Variants in LRRIQ1 observed in about 807,000 individuals in gnomAD.
LRRIQ1 encodes leucine rich repeats and IQ motif containing 1, also known as leucine-rich repeat- and IQ domain-containing protein 1.
In LRRIQ1, 210 loss-of-function variants were observed where a neutral mutation model predicts 211.9. The ratio of observed to expected loss-of-function variants is 0.99; its 90% CI spans 0.89 to 1.11. LRRIQ1 has a LOEUF of 1.11. Ranked by LOEUF, LRRIQ1 falls within the 50% of genes most tolerant of loss-of-function variation. The pLI is 0.00. For missense variants in LRRIQ1, 2,136 were observed against 1,939.5 expected, an observed-to-expected ratio of 1.10 and a Z score of -1.90; for synonymous variants, 699 against 650.1, an observed-to-expected ratio of 1.08 and a Z score of -1.14.
At chr12:85,099,527 T>C (rs895318111) in intron 13 of LRRIQ1, among the ~76,000 whole-genome samples, 2 of 151,844 alleles carry the variant, frequency 1.3e-5, no homozygotes, top group Non-Finnish European at 3.0e-5. Flanking sequence ...GAAGATCTAT[T>C]TGAAACCACC....
At chr12:85,162,928 A>G in intron 24 of LRRIQ1, 1 of 368,794 alleles carries the variant, frequency 2.7e-6, no homozygotes, top group Non-Finnish European at 5.2e-6. Context: ...TTTATATGGA[A>G]GTTTTTTTTA....
intron 24 of LRRIQ1, among the ~76,000 whole-genome samples, chr12:85,225,011 G>A (rs1322202151): frequency 2.0e-5 from 3 of 151,870 alleles, no homozygotes; most frequent in Admixed American, 6.6e-5. Context: ...TGAAAAATAG[G>A]ATATGAAGAA....
At chr12:85,176,825 G>C (rs1354278994) in intron 24 of LRRIQ1, among the ~76,000 whole-genome samples, 1 of 151,982 alleles carries the variant, frequency 6.6e-6, no homozygotes, top group African/African-American at 2.4e-5. Context: ...ATAACATTAT[G>C]CTTTGGGTTT....
intron 5 of LRRIQ1, 83 bp from the exon 6 acceptor site, chr12:85,047,163 TA>T: frequency 1.6e-6 from 1 of 629,798 alleles, no homozygotes. Context: ...AAAAAAAAAT[TA>T]AAAAAATTAC....
At chr12:85,141,590 T>TC (rs1203093146) in intron 19 of LRRIQ1, among the ~76,000 whole-genome samples, 1 of 150,734 alleles carries the variant, frequency 6.6e-6, no homozygotes, top group East Asian at 1.9e-4. Context: ...TTTTTTTTTT[T>TC]TTTTGGCTAC....
rs1231378574 is a variant in LRRIQ1, at chr12:85,124,204, A to G, written c.3692A>G (p.Gln1231Arg). The change falls in exon 17 of 27, where the codon CAG (glutamine) becomes CGG (arginine). Residue 1231 changes from glutamine (Q) to arginine (R), a missense_variant. Physicochemically the swap from Gln to Arg is conservative, Grantham distance 43. Coordinates refer to ENST00000393217, the MANE Select transcript of LRRIQ1 (RefSeq NM_001079910.2). ...ACCAAGAAAGATGAATCAGAAGCCC[A>G]GAAAAATCATTTGGCCCCTACAAAC... ...TITKKDESEA[Q>R]KNHLAPTNSD... 10 of 1,614,160 alleles carry G rather than the reference A, an allele frequency of 6.2e-6. No homozygotes were observed. The highest frequency in any genetic ancestry group is 2.7e-5 in the African/African-American group (2 of 75,066).
chr12:85,249,138 T>C (rs1895825423), downstream of LRRIQ1, among the ~76,000 whole-genome samples: 1 of 151,802 alleles, frequency 6.6e-6, no homozygotes, highest in African/African-American at 2.4e-5. Flanking sequence ...AAAATATTGA[T>C]TTTTGTGATA....
chr12:85,167,136 A>G (rs1891188212), intron 24 of LRRIQ1, among the ~76,000 whole-genome samples: 1 of 152,112 alleles, frequency 6.6e-6, no homozygotes, highest in African/African-American at 2.4e-5. Flanking sequence ...TCACTTGGCT[A>G]ATTTGTATTA....
At chr12:85,084,545 A>C (rs1487683864) in intron 11 of LRRIQ1, among the ~76,000 whole-genome samples, 1 of 152,178 alleles carries the variant, frequency 6.6e-6, no homozygotes, top group African/African-American at 2.4e-5. Context: ...TTTTAATATT[A>C]AAGAAATGTT....
intron 13 of LRRIQ1, among the ~76,000 whole-genome samples, chr12:85,099,336 A>C (rs891546396): frequency 1.3e-5 from 2 of 151,842 alleles, no homozygotes; most frequent in African/African-American, 2.4e-5. Flanking sequence ...TTTAATTCAG[A>C]AGGATGTCTC....
intron 24 of LRRIQ1, among the ~76,000 whole-genome samples, chr12:85,223,090 G>A (rs1894477903): frequency 6.6e-6 from 1 of 152,154 alleles, no homozygotes; most frequent in Admixed American, 6.6e-5. Flanking sequence ...TTAGTAGGAT[G>A]ATGATGGTAA....
At chr12:85,052,037 A>C in intron 6 of LRRIQ1, 140 bp from the exon 7 acceptor site, 1 of 483,710 alleles carries the variant, frequency 2.1e-6, no homozygotes, top group Admixed American at 4.3e-5. Flanking sequence ...TTGTTATCCC[A>C]GTACTAAAAA....
intron 24 of LRRIQ1, among the ~76,000 whole-genome samples, chr12:85,209,354 T>G (rs754785097): frequency 6.1e-4 from 93 of 152,160 alleles, no homozygotes; most frequent in Middle Eastern, 3.4e-3. Flanking sequence ...AAAAGCCCCT[T>G]ATAAAACCAT....
intron 24 of LRRIQ1, among the ~76,000 whole-genome samples, chr12:85,206,334 G>A (rs535890701): frequency 4.6e-5 from 7 of 152,334 alleles, no homozygotes; most frequent in African/African-American, 1.7e-4. Context: ...TAAGGCAGGT[G>A]GCAGGGCTGC....
At chr12:85,206,442 A>G (rs573026278) in intron 24 of LRRIQ1, among the ~76,000 whole-genome samples, 3 of 152,294 alleles carry the variant, frequency 2.0e-5, no homozygotes, top group Non-Finnish European at 4.4e-5. Flanking sequence ...TGGCAATGGC[A>G]GCACAGTGGT....
chr12:85,152,429 A>T lies in LRRIQ1; in HGVS notation c.4419+60A>T, dbSNP rs185389178. 5 of 1,269,894 alleles carry T rather than the reference A, an allele frequency of 3.9e-6. No homozygotes were observed. In the African/African-American group the frequency reaches 7.6e-5, roughly 19 times the overall value. 78.7% of individuals were successfully genotyped at this position (1,269,894 alleles called of 1,614,324 possible). The stretch of plus-strand genomic sequence containing the variant: ...TTTGCTCATTTCTTAAGGTTATGCT[A>T]TGTTGCAGTGATTAATAATACAATT... On this transcript the variant is annotated intron_variant, in intron 20 of 26. Coordinates refer to ENST00000393217, the MANE Select transcript of LRRIQ1 (RefSeq NM_001079910.2).
chr12:85,124,826 A>G lies in LRRIQ1; in HGVS notation c.4007+307A>G, dbSNP rs146231012. The G allele has an allele frequency of 5.4e-3, 1,349 of 250,426 alleles. 5 individuals are homozygous for G. Among genetic ancestry groups the G allele is most frequent in the Non-Finnish European group, 8.0e-3 (1,035 of 129,868 alleles). 15.5% of individuals were successfully genotyped at this position (250,426 alleles called of 1,614,324 possible). ...ATGTTTTAAGGAGAAATAAAATATCACAGTCTAAAAATAATAAAAACATTT... is the reference window on the plus strand; with the variant it reads ...ATGTTTTAAGGAGAAATAAAATATCGCAGTCTAAAAATAATAAAAACATTT... On this transcript the variant is annotated intron_variant, in intron 17 of 26. Coordinates refer to ENST00000393217, the MANE Select transcript of LRRIQ1 (RefSeq NM_001079910.2).
chr12:85,146,038 C>G (rs1275273088), intron 19 of LRRIQ1, among the ~76,000 whole-genome samples: 1 of 151,694 alleles, frequency 6.6e-6, no homozygotes, highest in Non-Finnish European at 1.5e-5. Flanking sequence ...ATGGTTCATG[C>G]AATTAAGGTT....
In LRRIQ1 at chr12:85,229,557, T is replaced by C. The variant is rs1344889401; in HGVS notation, c.4863T>C (p.Asn1621=). The C allele has an allele frequency of 6.2e-7, 1 of 1,612,336 alleles. No individual in the cohort carries two copies. Among genetic ancestry groups the C allele is most frequent in the East Asian group, 2.2e-5 (1 of 44,794 alleles). Residue 1621 remains asparagine (N), a synonymous_variant, in exon 25 of 27, where the codon AAT becomes AAC. Transcript: ENST00000393217. ...CTATCCACAAAGATACCACTGCAAATGAAAAATTAGAACGGAATAGAGAAT... is the reference window on the plus strand; with the variant it reads ...CTATCCACAAAGATACCACTGCAAACGAAAAATTAGAACGGAATAGAGAAT... ...EDPIHKDTTA[N]EKLERNREYT...
Sources: allele counts gnomAD v4.1 joint callset (sites outside exome capture counted in the v4.1 genomes callset), GRCh38; gene constraint gnomAD v4.1.1; transcripts MANE v1.5; gene names NCBI Gene and HGNC (gene_info 2026-07-23, HGNC 2026-07-21).